NYAP2: variants seen among roughly 807,000 people sequenced by gnomAD.
NYAP2 encodes the protein neuronal tyrosine-phosphorylated phosphoinositide-3-kinase adapter 2.
Under a neutral mutation model 50.4 loss-of-function variants are expected in NYAP2, and 23 were observed. The ratio of observed to expected loss-of-function variants is 0.46; its 90% confidence interval spans 0.33 to 0.65. The LOEUF is 0.65. NYAP2 is among the 30% of genes least tolerant of loss of function. NYAP2 has a pLI of 0.02. For missense variants in NYAP2, 885 were observed against 861.0 expected (o/e 1.03, Z -0.35); for synonymous variants, 394 against 365.2 (o/e 1.08, Z -0.90).
chr2:225,606,246 G>A lies in NYAP2; in HGVS notation c.1619-20671G>A, dbSNP rs528977087. Among the ~76,000 whole-genome samples, 16 of 152,176 alleles carry A rather than the reference G, an allele frequency of 1.1e-4. No homozygotes were observed. The South Asian group carries it at 2.1e-3, about 20-fold the overall frequency. On this transcript the variant is annotated intron_variant, in intron 5 of 6. Transcript: ENST00000636099. ...ATTCTGTACAATGTTGTGGCTGTGC[G>A]GTGCTATGACTGGGACTCCCCAGAT...
intron 3 of NYAP2, among the ~76,000 whole-genome samples, chr2:225,412,255 CTTTTTTTTTTTTTT>C (rs560637948): frequency 3.4e-5 from 2 of 59,128 alleles, no homozygotes; most frequent in East Asian, 4.6e-4. Flanking sequence ...CTGCGCCCGG[CTTTTTTTTTTTTTT>C]TTTTTTTTTT....
intron 3 of NYAP2, among the ~76,000 whole-genome samples, chr2:225,443,518 C>G (rs1689504058): frequency 6.6e-6 from 1 of 152,034 alleles, no homozygotes; most frequent in Admixed American, 6.5e-5. Context: ...CGTACTGGAG[C>G]TGAACCAATC....
At chr2:225,544,641 G>A (rs1400826846) in intron 4 of NYAP2, among the ~76,000 whole-genome samples, 1 of 152,016 alleles carries the variant, frequency 6.6e-6, no homozygotes, top group Non-Finnish European at 1.5e-5. Context: ...TACCGTCTAT[G>A]TCTTGAAAAG....
At chr2:225,680,839 T>A in the NYAP2 span, among the ~76,000 whole-genome samples, 23 of 152,196 alleles carry the variant, frequency 1.5e-4, no homozygotes, top group Non-Finnish European at 3.2e-4. Context: ...GGCAGTTCCA[T>A]AATTAGATAT....
At chr2:225,585,910 A>G (rs1311534704) in intron 5 of NYAP2, among the ~76,000 whole-genome samples, 1 of 152,200 alleles carries the variant, frequency 6.6e-6, no homozygotes, top group African/African-American at 2.4e-5. Context: ...CTCTTCCCAG[A>G]CAGGTTTTGT....
intron 2 of NYAP2, among the ~76,000 whole-genome samples, chr2:225,403,141 T>C (rs572514427): frequency 1.3e-5 from 2 of 152,082 alleles, no homozygotes; most frequent in African/African-American, 2.4e-5. Flanking sequence ...TGGGAAACTT[T>C]TATTGGATCA....
intron 3 of NYAP2, among the ~76,000 whole-genome samples, chr2:225,429,209 A>G (rs760494593): frequency 6.6e-6 from 1 of 152,190 alleles, no homozygotes; most frequent in Non-Finnish European, 1.5e-5. Flanking sequence ...GGGACAAATA[A>G]TGACCTGCCC....
At chr2:225,423,786 T>A (rs571902160) in intron 3 of NYAP2, among the ~76,000 whole-genome samples, 1 of 152,172 alleles carries the variant, frequency 6.6e-6, no homozygotes, top group African/African-American at 2.4e-5. Flanking sequence ...CTCTTGTTAG[T>A]TGCTGATAAG....
upstream of NYAP2, among the ~76,000 whole-genome samples, chr2:225,397,980 T>C (rs892439770): frequency 1.4e-4 from 22 of 151,968 alleles, no homozygotes; most frequent in African/African-American, 5.1e-4. Context: ...TAAAGTTGAA[T>C]ATATGAAACT....
chr2:225,693,730 T>G, the NYAP2 span, among the ~76,000 whole-genome samples: 1 of 151,892 alleles, frequency 6.6e-6, no homozygotes, highest in Non-Finnish European at 1.5e-5. Context: ...CACCTCCCAA[T>G]CACCTTGAGG....
At chr2:225,436,756 A>AG (rs1252954105) in intron 3 of NYAP2, among the ~76,000 whole-genome samples, 33 of 150,288 alleles carry the variant, frequency 2.2e-4, no homozygotes, top group African/African-American at 6.6e-4. Context: ...AAAAAAAAAA[A>AG]AAAGAGAGAA....
intron 2 of NYAP2, among the ~76,000 whole-genome samples, chr2:225,406,337 C>T (rs1256805456): frequency 1.3e-5 from 2 of 151,836 alleles, no homozygotes; most frequent in Non-Finnish European, 2.9e-5. Flanking sequence ...GGGCCTGTGA[C>T]CGTTTTCGGA....
At chr2:225,492,971 CAT>C (rs1298506973) in intron 3 of NYAP2, among the ~76,000 whole-genome samples, 4 of 151,608 alleles carry the variant, frequency 2.6e-5, no homozygotes, top group Non-Finnish European at 4.4e-5. Flanking sequence ...GCTCTGCTGA[CAT>C]AATATCTTTT....
chr2:225,535,215 T>C (rs1277053570), intron 4 of NYAP2, among the ~76,000 whole-genome samples: 2 of 152,190 alleles, frequency 1.3e-5, no homozygotes, highest in Non-Finnish European at 2.9e-5. Flanking sequence ...CAAAACTCTT[T>C]TCTGCTTCAA....
chr2:225,647,899 G>A (rs1049564622), intron 6 of NYAP2, among the ~76,000 whole-genome samples: 5 of 152,064 alleles, frequency 3.3e-5, no homozygotes, highest in Non-Finnish European at 7.4e-5. Flanking sequence ...ACAACTTGAG[G>A]TGAAAGGTGA....
At chr2:225,626,305 G>A (rs992337196) in intron 5 of NYAP2, among the ~76,000 whole-genome samples, 2 of 152,194 alleles carry the variant, frequency 1.3e-5, no homozygotes, top group African/African-American at 2.4e-5. Flanking sequence ...AATATGTGTA[G>A]CAGAAGCAGC....
At chr2:225,662,098 G>T in the NYAP2 span, among the ~76,000 whole-genome samples, 10 of 152,200 alleles carry the variant, frequency 6.6e-5, no homozygotes, top group East Asian at 1.7e-3. Context: ...CAATTTCCCA[G>T]GTCTTGCCTT....
At chr2:225,670,683 T>C in the NYAP2 span, among the ~76,000 whole-genome samples, 3 of 151,818 alleles carry the variant, frequency 2.0e-5, no homozygotes, top group African/African-American at 7.3e-5. Context: ...CAGTAATTCA[T>C]TGTTTATCAT....
chr2:225,594,999 G>A (rs1692571891), intron 5 of NYAP2, among the ~76,000 whole-genome samples: 1 of 152,154 alleles, frequency 6.6e-6, no homozygotes, highest in Non-Finnish European at 1.5e-5. Flanking sequence ...GGCTAGAAAA[G>A]AACCCAGAAC....
Sources: allele counts gnomAD v4.1 joint callset (sites outside exome capture counted in the v4.1 genomes callset), GRCh38; gene constraint gnomAD v4.1.1; transcripts MANE v1.5; gene names NCBI Gene and HGNC (gene_info 2026-07-23, HGNC 2026-07-21).